The following STAG1 variants were observed in gnomAD, a reference collection of about 807,000 sequenced individuals.
STAG1 encodes the protein cohesin subunit SA-1.
Under a neutral mutation model 170.9 loss-of-function variants are expected in STAG1, and 26 were observed. That is an observed-to-expected ratio of 0.15 (90% CI 0.11 to 0.21). STAG1 has a LOEUF of 0.21. Among genes scored for constraint, STAG1 ranks in the 10% least tolerant of loss-of-function variants. STAG1 has a pLI of 1.00. For synonymous variants in STAG1, 514 were observed against 497.7 expected (o/e 1.03, Z -0.44); for missense variants, 964 against 1,509.5 (o/e 0.64, Z 5.99).
chr3:136,684,510 GAGGCTGAGGC>G (rs1942444660), intron 1 of STAG1, among the ~76,000 whole-genome samples: 1 of 152,214 alleles, frequency 6.6e-6, no homozygotes, highest in African/African-American at 2.4e-5. Context: ...AGCACTTTGG[GAGGCTGAGGC>G]AGGTGGATCA....
At chr3:136,430,655 TCA>T (rs2088270922) in intron 16 of STAG1, among the ~76,000 whole-genome samples, 1 of 148,240 alleles carries the variant, frequency 6.7e-6, no homozygotes, top group Non-Finnish European at 1.5e-5. Flanking sequence ...CGAAAATATC[TCA>T]TAGTGTTTTA....
chr3:136,394,978 G>GGCACAC (rs1423815373), intron 22 of STAG1, among the ~76,000 whole-genome samples: 1 of 151,490 alleles, frequency 6.6e-6, no homozygotes, highest in East Asian at 1.9e-4. Flanking sequence ...TAGGCGTGGT[G>GGCACAC]GCACACACTT....
intron 1 of STAG1, among the ~76,000 whole-genome samples, chr3:136,664,071 G>A (rs1345593135): frequency 6.6e-6 from 1 of 152,154 alleles, no homozygotes; most frequent in Non-Finnish European, 1.5e-5. Flanking sequence ...TTAAAGAGTT[G>A]ACAGCAAGGC....
chr3:136,339,464 A>G (rs988164664), intron 32 of STAG1, among the ~76,000 whole-genome samples: 4 of 152,210 alleles, frequency 2.6e-5, no homozygotes, highest in African/African-American at 9.6e-5. Flanking sequence ...CAGAGGTTGC[A>G]GTGAGCCGAG....
intron 1 of STAG1, among the ~76,000 whole-genome samples, chr3:136,751,384 C>G (rs1438403008): frequency 1.3e-5 from 2 of 152,164 alleles, no homozygotes; most frequent in Non-Finnish European, 2.9e-5. Context: ...GCAAACGGGG[C>G]TCAGGTCCAA....
At chr3:136,669,355 T>C (rs1442045056) in intron 1 of STAG1, among the ~76,000 whole-genome samples, 1 of 152,096 alleles carries the variant, frequency 6.6e-6, no homozygotes, top group Non-Finnish European at 1.5e-5. Flanking sequence ...TTGAATTTTC[T>C]TTCTTCTTTC....
chr3:136,653,960 G>A (rs1386053354), intron 1 of STAG1, among the ~76,000 whole-genome samples: 1 of 152,000 alleles, frequency 6.6e-6, no homozygotes, highest in East Asian at 1.9e-4. Context: ...AGAACACTAA[G>A]CAAACTAGCA....
chr3:136,677,813 T>C (rs1308748959), intron 1 of STAG1, among the ~76,000 whole-genome samples: 2 of 151,072 alleles, frequency 1.3e-5, no homozygotes, highest in Non-Finnish European at 2.9e-5. Context: ...GCAGCCTGAA[T>C]AGACTAAGAA....
At chr3:136,498,886 A>C (rs995640763) in intron 9 of STAG1, among the ~76,000 whole-genome samples, 1 of 152,212 alleles carries the variant, frequency 6.6e-6, no homozygotes, top group African/African-American at 2.4e-5. Flanking sequence ...TTTGGTTAAA[A>C]TGTTTAAGTT....
At chr3:136,723,203 T>C (rs1452740696) in intron 1 of STAG1, among the ~76,000 whole-genome samples, 1 of 147,780 alleles carries the variant, frequency 6.8e-6, no homozygotes, top group Non-Finnish European at 1.5e-5. Flanking sequence ...GTCTGGAAAG[T>C]GAGGAGCGTC....
chr3:136,737,539 T>A (rs965458992), intron 1 of STAG1, among the ~76,000 whole-genome samples: 5 of 152,218 alleles, frequency 3.3e-5, no homozygotes, highest in Admixed American at 2.6e-4. Context: ...TGCCAGGCCT[T>A]GCCTCTGCAT....
intron 6 of STAG1, among the ~76,000 whole-genome samples, chr3:136,532,712 C>T (rs576076355): frequency 1.3e-5 from 2 of 152,066 alleles, no homozygotes; most frequent in East Asian, 3.9e-4. Context: ...TGGTAAAATC[C>T]AACAACGCTT....
intron 4 of STAG1, chr3:136,591,498 G>C (rs1179720280): frequency 2.5e-6 from 1 of 404,762 alleles, no homozygotes; most frequent in East Asian, 8.5e-5. Context: ...CTTGGGCCCA[G>C]AAGTTCGAGG....
intron 1 of STAG1, among the ~76,000 whole-genome samples, chr3:136,726,929 G>A (rs1933720272): frequency 6.6e-6 from 1 of 151,974 alleles, no homozygotes; most frequent in Non-Finnish European, 1.5e-5. Context: ...TGAATTCCTA[G>A]AGCCATTTCT....
chr3:136,558,986 G>A (rs771244017), intron 5 of STAG1, among the ~76,000 whole-genome samples: 1 of 152,138 alleles, frequency 6.6e-6, no homozygotes, highest in Admixed American at 6.5e-5. Flanking sequence ...ATTTTTGCTT[G>A]TTACAACTGG....
Position 136,349,300 on chromosome 3 carries a change from A to G in STAG1, c.3129T>C (p.Leu1043=). 1 of 1,613,978 alleles carries G rather than the reference A, an allele frequency of 6.2e-7. No individual in the cohort carries two copies. Among genetic ancestry groups the G allele is most frequent in the Non-Finnish European group, 8.5e-7 (1 of 1,179,862 alleles). Residue 1043 remains leucine (L), a synonymous_variant, in exon 29 of 34, where the codon CTT becomes CTC. Coordinates refer to ENST00000383202, the MANE Select transcript of STAG1 (RefSeq NM_005862.3). ...QMMERREDVW[L]PLISYRNSLV... Reference sequence around the variant, plus strand: ...ATGAATTTCTATAGGAGATGAGTGGAAGCCATACATCCTCCCTCCTTTCCA... The same window carrying G: ...ATGAATTTCTATAGGAGATGAGTGGGAGCCATACATCCTCCCTCCTTTCCA...
At chr3:136,522,788 A>C (rs1343288539) in intron 6 of STAG1, among the ~76,000 whole-genome samples, 1 of 135,784 alleles carries the variant, frequency 7.4e-6, no homozygotes, top group Non-Finnish European at 1.5e-5. Flanking sequence ...CTCACTGTTC[A>C]ACTCCCACCT....
chr3:136,396,340 C>A (rs2087155224), intron 22 of STAG1, among the ~76,000 whole-genome samples: 1 of 151,390 alleles, frequency 6.6e-6, no homozygotes, highest in African/African-American at 2.4e-5. Flanking sequence ...GCCTCAGCCT[C>A]CTGAGTAGCT....
intron 1 of STAG1, among the ~76,000 whole-genome samples, chr3:136,716,697 C>G (rs1559968762): frequency 6.6e-6 from 1 of 152,128 alleles, no homozygotes; most frequent in Non-Finnish European, 1.5e-5. Flanking sequence ...CTAACCAATC[C>G]AATTATCAAA....
Sources: gnomAD v4.1 joint callset for allele counts (sites outside exome capture counted in the v4.1 genomes callset) on GRCh38, gnomAD v4.1.1 for gene constraint, MANE v1.5 for transcripts, NCBI Gene and HGNC (gene_info 2026-07-23, HGNC 2026-07-21) for gene names.